Variants in CYP27C1 observed in about 807,000 individuals in gnomAD.
CYP27C1 encodes the protein cytochrome P450 27C1.
CYP27C1 carries 29 observed loss-of-function variants against 40.6 expected under a neutral mutation model. That is an observed-to-expected ratio of 0.71 (90% CI 0.53 to 0.97). The LOEUF is 0.97. CYP27C1 is among the 50% of genes least tolerant of loss of function. CYP27C1 has a pLI of 0.00. For missense variants in CYP27C1, 390 were observed against 485.8 expected (o/e 0.80, Z 1.85); for synonymous variants, 198 against 186.8 (o/e 1.06, Z -0.49).
Position 127,195,823 on chromosome 2 carries a change from G to A in CYP27C1, c.1048-322C>T, listed in dbSNP as rs376029997. ...TGAAGAGCAATATGTCAGGGATGCC[G>A]TGGAGCCTGGAGGATCTGCTGGGAC... On this transcript the variant is annotated intron_variant, in intron 5 of 8. Coordinates refer to ENST00000664447, the MANE Select transcript of CYP27C1 (RefSeq NM_001367502.1). This position sits in a 1 kb window ranked among gnomAD's most constrained non-coding sequence, Gnocchi z 6.2. Among the ~76,000 whole-genome samples the A allele has an allele frequency of 4.9e-4, 75 of 152,276 alleles. 1 individual carries two copies. Among genetic ancestry groups the A allele is most frequent in the African/African-American group, 1.7e-3 (70 of 41,556 alleles).
At position 127,209,710 on chromosome 2, in the gene CYP27C1, G is replaced by A. The variant is rs974306539; in HGVS notation, c.283-3620C>T. On this transcript the variant is annotated intron_variant, in intron 1 of 8. Transcript: ENST00000664447. This position sits in a 1 kb window ranked among gnomAD's most constrained non-coding sequence, Gnocchi z 4.1. ...CTGAAAAACACAGTGTGAGAACTTCGTGAAGCATACACAGGTATCAACAGC... is the reference window on the plus strand; with the variant it reads ...CTGAAAAACACAGTGTGAGAACTTCATGAAGCATACACAGGTATCAACAGC... Among the ~76,000 whole-genome samples, 2 of 152,160 alleles carry A rather than the reference G, an allele frequency of 1.3e-5. No homozygotes were observed. Among genetic ancestry groups the A allele is most frequent in the African/African-American group, 4.8e-5 (2 of 41,430 alleles).
Position 127,205,913 on chromosome 2 carries a change from C to G in CYP27C1, c.460G>C (p.Gly154Arg), listed in dbSNP as rs1333278733. Reference sequence around the variant, plus strand: ...CCACATACTCACGCCGAGATGAGCCCGGTGGCTCTCCCCCGCAAGTCTCGG... The same window carrying G: ...CCACATACTCACGCCGAGATGAGCCGGGTGGCTCTCCCCCGCAAGTCTCGG... ...EYRDLRGRATGLISAEGEQWL... is the reference protein window; with the variant it reads ...EYRDLRGRATRLISAEGEQWL... The change falls in exon 2 of 9, where the codon GGG becomes CGG. Residue 154 changes from glycine to arginine, a missense_variant. Physicochemically the swap from Gly to Arg is moderately radical, Grantham distance 125. Coordinates refer to ENST00000664447, the MANE Select transcript of CYP27C1 (RefSeq NM_001367502.1). 1 of 238,976 alleles carries G rather than the reference C, an allele frequency of 4.2e-6. No homozygotes were observed. Among genetic ancestry groups the G allele is most frequent in the Non-Finnish European group, 6.8e-6 (1 of 147,004 alleles). The allele number at this position is 238,976 out of a possible 1,614,324, so 14.8% of individuals were successfully genotyped here.
In CYP27C1 at chr2:127,208,425, C is replaced by A. The variant is rs1362306476; in HGVS notation, c.283-2335G>T. ...ACCCATGCCACCAGAGCCAAGCATC[C>A]CAACCCTGGTATGCACAGATTCCTA... On this transcript the variant is annotated intron_variant, in intron 1 of 8. Coordinates refer to ENST00000664447, the MANE Select transcript of CYP27C1 (RefSeq NM_001367502.1). The surrounding 1 kb of genome is among the most constrained non-coding windows in gnomAD (Gnocchi z 5.2). Among the ~76,000 whole-genome samples the A allele has an allele frequency of 3.9e-5, 6 of 152,186 alleles. No homozygotes were observed. Among genetic ancestry groups the A allele is most frequent in the Non-Finnish European group, 1.5e-5 (1 of 68,028 alleles).
rs1683283563 is a variant in CYP27C1, at chr2:127,208,885, C to T, written c.283-2795G>A. ...GCCTGAGCCCTTGGGGAAGGGGTGG[C>T]CACAGTCTCTGCGGACCAGCAGATT... On this transcript the variant is annotated intron_variant, in intron 1 of 8. Coordinates refer to ENST00000664447, the MANE Select transcript of CYP27C1 (RefSeq NM_001367502.1). This position sits in a 1 kb window ranked among gnomAD's most constrained non-coding sequence, Gnocchi z 5.2. Among the ~76,000 whole-genome samples the T allele has an allele frequency of 6.6e-6, 1 of 152,194 alleles. No individual in the cohort carries two copies. The highest frequency in any genetic ancestry group is 2.4e-5 in the African/African-American group (1 of 41,440).
chr2:127,198,442 T>C (rs1682955640), intron 5 of CYP27C1, among the ~76,000 whole-genome samples: 1 of 152,246 alleles, frequency 6.6e-6, no homozygotes, highest in Non-Finnish European at 1.5e-5. Flanking sequence ...ACAAAATGTT[T>C]ACAAATCAGG....
Position 127,200,942 on chromosome 2 carries a change from G to A in CYP27C1, c.883+180C>T, listed in dbSNP as rs572421565. Among the ~76,000 whole-genome samples, 5 of 151,254 alleles carry A rather than the reference G, an allele frequency of 3.3e-5. No homozygotes were observed. Among genetic ancestry groups the A allele is most frequent in the African/African-American group, 7.3e-5 (3 of 41,214 alleles). On this transcript the variant is annotated intron_variant, in intron 4 of 8. Coordinates refer to ENST00000664447, the MANE Select transcript of CYP27C1 (RefSeq NM_001367502.1). This position sits in a 1 kb window ranked among gnomAD's most constrained non-coding sequence, Gnocchi z 4.2. The stretch of plus-strand genomic sequence containing the variant: ...CACACCACTGCACTCCAGCATGGGC[G>A]ACAGAGCCAGACTCCGTCTCAAAAA...
At position 127,187,087 on chromosome 2, in the gene CYP27C1, T is replaced by C. The variant is rs568257625; in HGVS notation, c.*184A>G. 6.7e-6 allele frequency: 4 copies of C among 598,360 alleles called. No homozygotes were observed. The highest frequency in any genetic ancestry group is 2.1e-5 in the South Asian group (1 of 46,540). The allele number at this position is 598,360 out of a possible 1,614,324, so 37.1% of individuals were successfully genotyped here. On this transcript the variant is annotated 3_prime_UTR_variant, in exon 9 of 9. Transcript: ENST00000664447. ...CAACTTCTGGTATGCACCAGTAAAA[T>C]AGCAACCTTTTTACATTACTTTGCA...
In CYP27C1 at chr2:127,193,317, C is replaced by T. The variant is rs758515472; in HGVS notation, c.1294-20G>A. On this transcript the variant is annotated intron_variant, in intron 7 of 8. Transcript: ENST00000664447. ...CTGGGTCTGAGGAAATCAGGGATGA[C>T]AGAAAAGGGAAAAGGGGCAGAATCA... The T allele has an allele frequency of 6.2e-6, 10 of 1,613,668 alleles. No individual in the cohort carries two copies. Among genetic ancestry groups the T allele is most frequent in the Middle Eastern group, 1.7e-4 (1 of 5,882 alleles).
At position 127,190,405 on chromosome 2, in the gene CYP27C1, C is replaced by T. The variant is rs370052378; in HGVS notation, c.1497+2689G>A. On this transcript the variant is annotated intron_variant, in intron 8 of 8. Transcript: ENST00000664447. ...TCACCCAGGCTGGAGTGCAGTGGCA[C>T]GATCTCAGCTCACTGCAACCTCTGC... Among the ~76,000 whole-genome samples, 139 of 140,360 alleles carry T rather than the reference C, an allele frequency of 9.9e-4. 2 individuals are homozygous for T. In the Middle Eastern group the frequency reaches 0.031, roughly 31 times the overall value. 92.1% of individuals were successfully genotyped at this position (140,360 alleles called of 152,430 possible). A position where few individuals can be genotyped will look rare whatever the true frequency, so the allele number is the denominator to read the frequency against.
intron 3 of CYP27C1, among the ~76,000 whole-genome samples, chr2:127,202,549 C>T (rs939398776): frequency 6.6e-6 from 1 of 152,190 alleles, no homozygotes; most frequent in Non-Finnish European, 1.5e-5. Context: ...CATAAAACAT[C>T]TCTTGACATA....
chr2:127,208,235 A>C lies in CYP27C1; in HGVS notation c.283-2145T>G, dbSNP rs2896888. Among the ~76,000 whole-genome samples the C allele has an allele frequency of 0.41, 62,985 of 152,054 alleles. 13,882 individuals carry two copies. Among genetic ancestry groups the C allele is most frequent in the East Asian group, 0.62 (3,180 of 5,170 alleles). On this transcript the variant is annotated intron_variant, in intron 1 of 8. Transcript: ENST00000664447. This position sits in a 1 kb window ranked among gnomAD's most constrained non-coding sequence, Gnocchi z 5.2. ...GAAGGCTGGCATAACCCACGGAGAG[A>C]AGGAAGAACAGTGTAGTGCAGTGGC...
chr2:127,191,828 C>T (rs537534070), intron 8 of CYP27C1, among the ~76,000 whole-genome samples: 6 of 152,348 alleles, frequency 3.9e-5, no homozygotes, highest in African/African-American at 7.2e-5. Flanking sequence ...ACAGGGGCAG[C>T]GGCCACATCC....
rs1319176231 is a variant in CYP27C1, at chr2:127,187,301, G to A, written c.1584C>T (p.Pro528=). 6.2e-7 allele frequency: 1 copy of A among 1,614,150 alleles called. No individual in the cohort carries two copies. The highest frequency in any genetic ancestry group is 8.5e-7 in the Non-Finnish European group (1 of 1,180,008). ...TTCTGTTAACAAATCGCACGTGGAT[G>A]GGCCCCCCTGGCGTCAGGAGCCCGT... The part of the protein sequence containing the change: ...KTHGLLTPGG[P]IHVRFVNRK The change falls in exon 9 of 9, where the codon CCC becomes CCT. Residue 528 remains proline (P), a synonymous_variant. Transcript: ENST00000664447.
Position 127,198,618 on chromosome 2 carries a change from C to T in CYP27C1, c.1047+758G>A, listed in dbSNP as rs368629306. ...TGGACCCAATATACAATGGTGATCC[C>T]ATAAGATTATAAAGCCACATTTGTA... is the stretch of plus-strand genomic sequence containing the variant. On this transcript the variant is annotated intron_variant, in intron 5 of 8. Coordinates refer to ENST00000664447, the MANE Select transcript of CYP27C1 (RefSeq NM_001367502.1). Among the ~76,000 whole-genome samples, 10 of 152,244 alleles carry T rather than the reference C, an allele frequency of 6.6e-5. No homozygotes were observed. The East Asian group carries it at 1.5e-3, about 23-fold the overall frequency.
intron 8 of CYP27C1, among the ~76,000 whole-genome samples, chr2:127,189,323 C>T (rs1201944858): frequency 6.6e-6 from 1 of 152,050 alleles, no homozygotes; most frequent in Non-Finnish European, 1.5e-5. Context: ...TTCCCAGTAG[C>T]CTTCAGGCAT....
At chr2:127,215,900 G>A (rs1420834003) in intron 1 of CYP27C1, among the ~76,000 whole-genome samples, 2 of 151,982 alleles carry the variant, frequency 1.3e-5, no homozygotes, top group African/African-American at 4.8e-5. Flanking sequence ...CTGGACAAAG[G>A]ATTTCAATGG....
intron 1 of CYP27C1, among the ~76,000 whole-genome samples, chr2:127,211,501 A>G (rs367668778): frequency 6.8e-6 from 1 of 148,060 alleles, no homozygotes; most frequent in African/African-American, 2.5e-5. Context: ...TCCTGCCTCA[A>G]CCTCCCGAGT....
rs1682821772 is a variant in CYP27C1, at chr2:127,193,191, C to CAG, written c.1399_1400insCT (p.Arg467ThrfsTer19). 1 of 1,614,214 alleles carries CAG rather than the reference C, an allele frequency of 6.2e-7. No homozygotes were observed. Among genetic ancestry groups the CAG allele is most frequent in the African/African-American group, 1.3e-5 (1 of 75,058 alleles). On this transcript the variant is annotated frameshift_variant, in exon 8 of 9. Transcript: ENST00000664447. LOFTEE classifies it high-confidence loss of function. The stretch of plus-strand genomic sequence containing the variant: ...GGGGATGGATCCAAAATTGTCAACT[C>CAG]TATCTAAGTCTCCTTTCCGCAGCCA...
chr2:127,199,984 G>A (rs1682994986), intron 4 of CYP27C1, among the ~76,000 whole-genome samples: 1 of 152,124 alleles, frequency 6.6e-6, no homozygotes, highest in Non-Finnish European at 1.5e-5. Context: ...TGTTGTGGTT[G>A]TTGTTGTTTC....
Sources: allele counts gnomAD v4.1 joint callset (sites outside exome capture counted in the v4.1 genomes callset), GRCh38; gene constraint gnomAD v4.1.1; non-coding constraint Gnocchi (gnomAD v3.1); transcripts MANE v1.5; gene names NCBI Gene and HGNC (gene_info 2026-07-23, HGNC 2026-07-21).